The following PIK3CB variants were observed in gnomAD, a reference collection of about 807,000 sequenced individuals.
The protein encoded by PIK3CB is phosphatidylinositol 4,5-bisphosphate 3-kinase catalytic subunit beta isoform.
A neutral mutation model predicts 136.8 loss-of-function variants in PIK3CB; 39 were observed. That is an observed-to-expected ratio of 0.29 (90% CI 0.22 to 0.37). The LOEUF (loss-of-function observed/expected upper bound fraction) is 0.37, where lower values mean the gene tolerates loss of function less well. Ranked by LOEUF, PIK3CB falls within the 10% of genes least tolerant of loss-of-function variation. The pLI is 1.00. For synonymous variants in PIK3CB, 428 were observed against 436.6 expected (o/e 0.98, Z 0.25); for missense variants, 868 against 1,275.4 (o/e 0.68, Z 4.87).
chr3:138,677,463 AC>A (rs1304788876), intron 19 of PIK3CB, among the ~76,000 whole-genome samples: 1 of 152,234 alleles, frequency 6.6e-6, no homozygotes, highest in Non-Finnish European at 1.5e-5. Context: ...AAAATTGTAT[AC>A]AAGAAATTCT....
chr3:138,792,628 TTTGA>T (rs1373368932), intron 2 of PIK3CB, among the ~76,000 whole-genome samples: 14 of 152,118 alleles, frequency 9.2e-5, no homozygotes, highest in African/African-American at 3.1e-4. Context: ...AGGTAAGAAG[TTTGA>T]TTGAGATCAA....
chr3:138,777,034 T>C (rs922347325), intron 2 of PIK3CB, among the ~76,000 whole-genome samples: 2 of 152,088 alleles, frequency 1.3e-5, no homozygotes, highest in Non-Finnish European at 2.9e-5. Flanking sequence ...CCTGGGATGA[T>C]TTTAAAACAT....
At chr3:138,795,000 C>G (rs1011547076) in intron 2 of PIK3CB, among the ~76,000 whole-genome samples, 3 of 149,434 alleles carry the variant, frequency 2.0e-5, no homozygotes, top group African/African-American at 7.7e-5. Flanking sequence ...GCCTGAGTGA[C>G]AGACTGAGAC....
chr3:138,699,869 T>C (rs961913813), intron 12 of PIK3CB, among the ~76,000 whole-genome samples: 3 of 152,010 alleles, frequency 2.0e-5, no homozygotes, highest in East Asian at 1.9e-4. Flanking sequence ...GAGCACTTAC[T>C]TACTTTATAC....
At chr3:138,762,447 G>A (rs934545722) in intron 2 of PIK3CB, among the ~76,000 whole-genome samples, 8 of 152,120 alleles carry the variant, frequency 5.3e-5, no homozygotes, top group Non-Finnish European at 1.0e-4. Flanking sequence ...ATATGGAAAG[G>A]TCTCTATACT....
At chr3:138,794,057 G>T (rs371762) in intron 2 of PIK3CB, among the ~76,000 whole-genome samples, 82,739 of 151,954 alleles carry the variant, frequency 0.54, 23,679 homozygotes, top group East Asian at 0.98. Flanking sequence ...CCACCCTCCA[G>T]GTTCAAGAGA....
chr3:138,752,780 T>C (rs1437600534), intron 4 of PIK3CB, among the ~76,000 whole-genome samples: 2 of 151,968 alleles, frequency 1.3e-5, no homozygotes, highest in South Asian at 2.1e-4. Context: ...TATGGTAGGA[T>C]AAAAGGTAAG....
intron 10 of PIK3CB, among the ~76,000 whole-genome samples, chr3:138,707,847 A>C (rs1559830844): frequency 6.6e-6 from 1 of 152,258 alleles, no homozygotes; most frequent in South Asian, 2.1e-4. Flanking sequence ...TTCTTTCTTC[A>C]AGGTACTCCT....
intron 4 of PIK3CB, among the ~76,000 whole-genome samples, chr3:138,748,646 T>C (rs747321307): frequency 4.6e-5 from 7 of 152,216 alleles, no homozygotes; most frequent in Admixed American, 2.6e-4. Context: ...GTGCAGGAGA[T>C]AAAAATACAA....
At chr3:138,811,433 T>A (rs1350729710) in intron 1 of PIK3CB, among the ~76,000 whole-genome samples, 1 of 129,058 alleles carries the variant, frequency 7.7e-6, no homozygotes, top group Non-Finnish European at 1.5e-5. Flanking sequence ...GAAAATTACC[T>A]TTTTTTTTTT....
chr3:138,756,437 T>C (rs1470957841), intron 3 of PIK3CB, among the ~76,000 whole-genome samples: 1 of 152,184 alleles, frequency 6.6e-6, no homozygotes, highest in Non-Finnish European at 1.5e-5. Context: ...AAAAAAATTT[T>C]AATTTAAAGT....
chr3:138,707,962 A>T (rs1427506380), intron 10 of PIK3CB, among the ~76,000 whole-genome samples: 1 of 152,082 alleles, frequency 6.6e-6, no homozygotes, highest in Non-Finnish European at 1.5e-5. Context: ...GCATCATATA[A>T]TTTTTTTATT....
chr3:138,725,029 G>A (rs2044807648), intron 8 of PIK3CB, among the ~76,000 whole-genome samples: 1 of 152,086 alleles, frequency 6.6e-6, no homozygotes, highest in South Asian at 2.1e-4. Context: ...TAGGGGGTGT[G>A]GGTGTGAGGT....
chr3:138,818,084 G>A (rs1933412561), intron 1 of PIK3CB, among the ~76,000 whole-genome samples: 1 of 152,162 alleles, frequency 6.6e-6, no homozygotes. Flanking sequence ...TTGAGCCTAG[G>A]AGTTCAAGTC....
At position 138,731,547 on chromosome 3, in the gene PIK3CB, C is replaced by G. The variant is rs530696073; in HGVS notation, c.1050+1814G>C. ...GGATTACAGGTGTGAGCTACCACGC[C>G]CAGCCTGTTTGCACTTTTTCATTTG... On this transcript the variant is annotated intron_variant, in intron 8 of 23. Coordinates refer to ENST00000674063, the MANE Select transcript of PIK3CB (RefSeq NM_006219.3). Among the ~76,000 whole-genome samples, 6 of 151,618 alleles carry G rather than the reference C, an allele frequency of 4.0e-5. No individual in the cohort carries two copies. In the South Asian group the frequency reaches 1.3e-3, roughly 32 times the overall value.
intron 8 of PIK3CB, among the ~76,000 whole-genome samples, chr3:138,730,334 G>A (rs997085997): frequency 2.0e-5 from 3 of 152,094 alleles, no homozygotes; most frequent in Admixed American, 6.6e-5. Context: ...AAGGAATAAC[G>A]CATAATGCTT....
chr3:138,713,702 AAT>A (rs2044551990), intron 9 of PIK3CB, among the ~76,000 whole-genome samples: 1 of 152,072 alleles, frequency 6.6e-6, no homozygotes, highest in Non-Finnish European at 1.5e-5. Context: ...AACACAAATT[AAT>A]ATATAGATAA....
chr3:138,824,282 T>C (rs1397201102), intron 1 of PIK3CB, among the ~76,000 whole-genome samples: 1 of 152,178 alleles, frequency 6.6e-6, no homozygotes, highest in African/African-American at 2.4e-5. Context: ...GTCTCCTGAA[T>C]GCCTGAAGCA....
intron 4 of PIK3CB, among the ~76,000 whole-genome samples, chr3:138,750,958 A>G (rs138187483): frequency 1.6e-4 from 25 of 152,314 alleles, no homozygotes; most frequent in African/African-American, 5.5e-4. Flanking sequence ...TAAACACTCA[A>G]TACTACTGAA....
Sources: allele counts gnomAD v4.1 joint callset (sites outside exome capture counted in the v4.1 genomes callset), GRCh38; gene constraint gnomAD v4.1.1; transcripts MANE v1.5; gene names NCBI Gene and HGNC (gene_info 2026-07-23, HGNC 2026-07-21).